The following DMXL1 variants were observed in gnomAD, a reference collection of about 807,000 sequenced individuals.
The protein encoded by DMXL1 is dmX-like protein 1.
In DMXL1, 99 loss-of-function variants were observed where a neutral mutation model predicts 319.2. The ratio of observed to expected loss-of-function variants is 0.31; its 90% confidence interval spans 0.26 to 0.37. DMXL1 has a LOEUF of 0.37. Ranked by LOEUF, DMXL1 falls within the 10% of genes least tolerant of loss-of-function variation. The pLI, the probability that DMXL1 is intolerant of heterozygous loss-of-function variation, is 1.00. For missense variants in DMXL1, 3,745 were observed against 3,595.6 expected (o/e 1.04, Z -1.06); for synonymous variants, 1,385 against 1,235.2 (o/e 1.12, Z -2.54).
At chr5:119,139,283 C>T (rs1275225188) in intron 13 of DMXL1, among the ~76,000 whole-genome samples, 1 of 152,160 alleles carries the variant, frequency 6.6e-6, no homozygotes, top group African/African-American at 2.4e-5. Flanking sequence ...CATGTCAGTG[C>T]TAACCTTGAA....
intron 39 of DMXL1, chr5:119,236,709 G>C (rs111549471): frequency 6.6e-6 from 1 of 151,960 alleles, no homozygotes; most frequent in African/African-American, 2.4e-5. Flanking sequence ...GTACAAAGCA[G>C]ACATTTATTT....
intron 9 of DMXL1, among the ~76,000 whole-genome samples, chr5:119,125,112 A>C (rs1461592002): frequency 1.3e-5 from 2 of 152,206 alleles, no homozygotes; most frequent in Admixed American, 6.5e-5. Context: ...ATAGTGGCAA[A>C]CATTATGTTG....
rs76434865 is a variant in DMXL1, at chr5:119,116,243, C to A, written c.650C>A (p.Ser217Tyr). 16 of 1,613,972 alleles carry A rather than the reference C, an allele frequency of 9.9e-6. No homozygotes were observed. The South Asian group carries it at 1.6e-4, about 17-fold the overall frequency. The change falls in exon 7 of 44, where the codon TCC becomes TAC. Residue 217 changes from serine to tyrosine, a missense_variant. Physicochemically the swap from Ser to Tyr is moderately radical, Grantham distance 144 (BLOSUM62 -2). This residue lies in a region of DMXL1 where 2,096 missense variants were observed against 1,985.4 expected (regional missense o/e 1.06). Coordinates refer to ENST00000539542, the MANE Select transcript of DMXL1 (RefSeq NM_001290321.3). ...TSPDGSSEKQ[S>Y]QGEIDFSFVY... ...CCAGATGGAAGTTCAGAAAAACAATCCCAAGGAGAAATTGACTTTTCTTTT... is the reference window on the plus strand; with the variant it reads ...CCAGATGGAAGTTCAGAAAAACAATACCAAGGAGAAATTGACTTTTCTTTT...
intron 34 of DMXL1, among the ~76,000 whole-genome samples, chr5:119,210,972 C>A (rs1487847221): frequency 6.7e-6 from 1 of 148,454 alleles, no homozygotes; most frequent in East Asian, 2.0e-4. Flanking sequence ...TAAGAGTTTT[C>A]ATAAGGAAAG....
intron 34 of DMXL1, 51 bp from the exon 35 acceptor site, chr5:119,216,850 G>C (rs769365955): frequency 1.1e-6 from 1 of 949,428 alleles, no homozygotes; most frequent in South Asian, 1.5e-5. Context: ...TATATTATTA[G>C]TTCTATTACT....
At chr5:119,102,235 C>G (rs1305537472) in intron 3 of DMXL1, 5 of 326,620 alleles carry the variant, frequency 1.5e-5, no homozygotes, top group African/African-American at 1.1e-4. Flanking sequence ...TTATTTCTGA[C>G]ATTTTTAATT....
At position 119,193,877 on chromosome 5, in the gene DMXL1, G is replaced by A. The variant is rs1220102197; in HGVS notation, c.7364G>A (p.Ser2455Asn). ...AGAGCCGAATATGATTCAGAGGAGAGTCTGGGAAGTGATGATGATGACAAT... is the reference window on the plus strand; with the variant it reads ...AGAGCCGAATATGATTCAGAGGAGAATCTGGGAAGTGATGATGATGACAAT... ...QSRAEYDSEE[S>N]LGSDDDDNDD... is the part of the protein sequence containing the mutation. Residue 2455 changes from serine (S) to asparagine (N), a missense_variant, in exon 30 of 44, where the codon AGT becomes AAT. Physicochemically the swap from Ser to Asn is conservative, Grantham distance 46. Around this residue, in one of 4 missense-constraint regions of DMXL1, gnomAD observed 1,382 missense variants for 1,269.5 expected, o/e 1.09. Transcript: ENST00000539542. 6.2e-6 allele frequency: 10 copies of A among 1,613,094 alleles called. No homozygotes were observed. The highest frequency in any genetic ancestry group is 8.5e-6 in the Non-Finnish European group (10 of 1,179,530).
intron 9 of DMXL1, among the ~76,000 whole-genome samples, chr5:119,123,451 AGAG>A (rs961275792): frequency 2.5e-5 from 3 of 120,402 alleles, no homozygotes; most frequent in African/African-American, 1.0e-4. Context: ...GAGAGGAGGG[AGAG>A]GAGGAGAGGT....
chr5:119,074,457 A>G (rs1207702000), intron 1 of DMXL1, among the ~76,000 whole-genome samples: 1 of 152,220 alleles, frequency 6.6e-6, no homozygotes, highest in South Asian at 2.1e-4. Context: ...ATGTTTGCAG[A>G]TAACTTACGT....
At chr5:119,125,983 A>G (rs754272057) in intron 9 of DMXL1, among the ~76,000 whole-genome samples, 12 of 152,128 alleles carry the variant, frequency 7.9e-5, no homozygotes, top group South Asian at 2.1e-4. Context: ...GGAAGAGTCA[A>G]CTGTGTTAGA....
chr5:119,087,914 G>T (rs543009280), intron 1 of DMXL1, among the ~76,000 whole-genome samples: 119 of 152,126 alleles, frequency 7.8e-4, no homozygotes, highest in African/African-American at 2.8e-3. Flanking sequence ...TGATTCTCCT[G>T]CCTCAGCCTC....
chr5:119,229,340 G>A (rs1786218057), intron 38 of DMXL1, among the ~76,000 whole-genome samples: 1 of 151,972 alleles, frequency 6.6e-6, no homozygotes, highest in Admixed American at 6.6e-5. Context: ...AAAAGGTAAA[G>A]GAAAACCTTT....
Position 119,221,155 on chromosome 5 carries a change from G to A in DMXL1, c.8277+74G>A, listed in dbSNP as rs868643157. The A allele has an allele frequency of 2.6e-4, 281 of 1,087,264 alleles. 1 individual carries two copies. The Middle Eastern group carries it at 3.4e-3, about 13-fold the overall frequency. 67.4% of individuals were successfully genotyped at this position (1,087,264 alleles called of 1,614,324 possible). On this transcript the variant is annotated intron_variant, in intron 37 of 43. Coordinates refer to ENST00000539542, the MANE Select transcript of DMXL1 (RefSeq NM_001290321.3). Reference sequence around the variant, plus strand: ...CCCTCTAGGTTAATGGATAAAGGATGATTTAAAACATTTTTCTTAATTCCT... The same window carrying A: ...CCCTCTAGGTTAATGGATAAAGGATAATTTAAAACATTTTTCTTAATTCCT...
intron 43 of DMXL1, among the ~76,000 whole-genome samples, chr5:119,246,648 T>TTA (rs1348361999): frequency 6.7e-6 from 1 of 148,968 alleles, no homozygotes; most frequent in East Asian, 1.9e-4. Context: ...TTTTTTTTTT[T>TTA]TTGAGATGGA....
At position 119,148,891 on chromosome 5, in the gene DMXL1, A is replaced by G. The variant is rs778376708; in HGVS notation, c.3064A>G (p.Ile1022Val). ...SKNGKIDLAY[I>V]WEEWPLLIED... ...GAATGGAAAAATTGATCTTGCATAC[A>G]TTTGGGAAGAATGGCCATTACTTAT... Residue 1022 changes from isoleucine to valine, a missense_variant, in exon 18 of 44, where the codon ATT becomes GTT. Ile to Val is a conservative substitution (Grantham distance 29, BLOSUM62 3). This residue lies in a region of DMXL1 where 2,096 missense variants were observed against 1,985.4 expected (regional missense o/e 1.06). Transcript: ENST00000539542. 5.0e-6 allele frequency: 8 copies of G among 1,613,852 alleles called. No individual in the cohort carries two copies. In the South Asian group the frequency reaches 5.5e-5, roughly 11 times the overall value.
intron 10 of DMXL1, among the ~76,000 whole-genome samples, chr5:119,132,490 C>T (rs1765134264): frequency 6.6e-6 from 1 of 152,042 alleles, no homozygotes; most frequent in Non-Finnish European, 1.5e-5. Flanking sequence ...ACCAGCTTGA[C>T]CAAGATGGTG....
At chr5:119,224,455 A>G (rs941969003) in intron 37 of DMXL1, among the ~76,000 whole-genome samples, 2 of 152,056 alleles carry the variant, frequency 1.3e-5, no homozygotes, top group African/African-American at 2.4e-5. Context: ...AGAATTGACA[A>G]GAAAGGAGGG....
At chr5:119,207,303 A>C (rs907535315) in intron 34 of DMXL1, among the ~76,000 whole-genome samples, 5 of 152,182 alleles carry the variant, frequency 3.3e-5, no homozygotes, top group African/African-American at 1.2e-4. Context: ...TGATATTAAA[A>C]AATTCAAATT....
At chr5:119,162,917 G>A (rs1443196131) in intron 19 of DMXL1, among the ~76,000 whole-genome samples, 1 of 152,124 alleles carries the variant, frequency 6.6e-6, no homozygotes, top group African/African-American at 2.4e-5. Flanking sequence ...CATGGGAGGT[G>A]ATTCCTTGCT....
Sources: gnomAD v4.1 joint callset for allele counts (sites outside exome capture counted in the v4.1 genomes callset) on GRCh38, gnomAD v4.1.1 for gene constraint, gnomAD v4.1.1 regional missense constraint, MANE v1.5 for transcripts, NCBI Gene and HGNC (gene_info 2026-07-23, HGNC 2026-07-21) for gene names.